NFIB: variants seen among roughly 807,000 people sequenced by gnomAD.
NFIB encodes nuclear factor 1 B-type.
Under a neutral mutation model 61.5 loss-of-function variants are expected in NFIB, and 11 were observed. The observed-to-expected ratio is 0.18, with a 90% CI of 0.11 to 0.30. The LOEUF (loss-of-function observed/expected upper bound fraction) is 0.30, where lower values mean the gene tolerates loss of function less well. Ranked by LOEUF, NFIB falls within the 10% of genes least tolerant of loss-of-function variation. NFIB has a pLI of 1.00. For missense variants in NFIB, 471 were observed against 608.9 expected, an observed-to-expected ratio of 0.77 and a Z score of 2.38; for synonymous variants, 260 against 216.5, an observed-to-expected ratio of 1.20 and a Z score of -1.76.
intron 10 of NFIB, 113 bp from the exon 11 acceptor site, chr9:14,088,439 C>A (rs1459213806): frequency 8.7e-7 from 1 of 1,153,960 alleles, no homozygotes; most frequent in East Asian, 3.1e-5. Flanking sequence ...TATTGCTATC[C>A]CTATTTTCAA....
chr9:14,427,937 G>GTTGTTTTTTTTTTTTTTTTT, the NFIB span, among the ~76,000 whole-genome samples: 1 of 43,384 alleles, frequency 2.3e-5, no homozygotes, highest in Non-Finnish European at 4.4e-5. Context: ...TAATTCAGTT[G>GTTGTTTTTTTTTTTTTTTTT]TTTTTTTTTT....
intron 2 of NFIB, among the ~76,000 whole-genome samples, chr9:14,263,469 G>C (rs935595129): frequency 4.6e-5 from 7 of 152,132 alleles, no homozygotes; most frequent in Non-Finnish European, 8.8e-5. Context: ...TGTGGAAAAA[G>C]ACTGTGTTCA....
intron 3 of NFIB, among the ~76,000 whole-genome samples, chr9:14,164,167 A>C (rs893393044): frequency 1.3e-5 from 2 of 152,108 alleles, no homozygotes; most frequent in African/African-American, 4.8e-5. Flanking sequence ...TAAAAAGACC[A>C]ACAAGACAGA....
chr9:14,290,468 A>G (rs551701854), intron 2 of NFIB, among the ~76,000 whole-genome samples: 1 of 152,120 alleles, frequency 6.6e-6, no homozygotes, highest in African/African-American at 2.4e-5. Flanking sequence ...TACCCTCACA[A>G]TTGCCAAATA....
chr9:14,216,894 T>A (rs1243295734), intron 2 of NFIB, among the ~76,000 whole-genome samples: 1 of 152,250 alleles, frequency 6.6e-6, no homozygotes, highest in Non-Finnish European at 1.5e-5. Context: ...CTGGCCAATG[T>A]TTAGCACATG....
chr9:14,306,022 C>T, intron 2 of NFIB: 1 of 1,093,774 alleles, frequency 9.1e-7, no homozygotes. Context: ...TTCTTACCTA[C>T]TTAAGGAAAA....
intron 2 of NFIB, among the ~76,000 whole-genome samples, chr9:14,219,405 GT>G (rs1772848769): frequency 7.0e-5 from 2 of 28,464 alleles, no homozygotes; most frequent in African/African-American, 1.7e-4. Context: ...AAAAAAAAAA[GT>G]CTAAGTTGAA....
intron 2 of NFIB, among the ~76,000 whole-genome samples, chr9:14,207,082 C>A (rs568171966): frequency 6.6e-6 from 1 of 152,246 alleles, no homozygotes; most frequent in East Asian, 1.9e-4. Context: ...ATACTGTTCT[C>A]AATATTACGG....
chr9:14,525,842 A>G, the NFIB span, among the ~76,000 whole-genome samples: 1 of 152,198 alleles, frequency 6.6e-6, no homozygotes, highest in Non-Finnish European at 1.5e-5. Context: ...TTCAAATAAC[A>G]CACCGTGTTA....
At chr9:14,447,990 G>A in the NFIB span, among the ~76,000 whole-genome samples, 2 of 152,142 alleles carry the variant, frequency 1.3e-5, no homozygotes, top group African/African-American at 4.8e-5. Flanking sequence ...TGATACTTTA[G>A]CCTATACTGA....
At chr9:14,297,337 CAGG>C (rs979152751) in intron 2 of NFIB, among the ~76,000 whole-genome samples, 7 of 152,156 alleles carry the variant, frequency 4.6e-5, no homozygotes, top group Admixed American at 1.3e-4. Flanking sequence ...CTAGTTTTTA[CAGG>C]AGAAGAGAGA....
At chr9:14,203,195 T>C (rs2131643533) in intron 2 of NFIB, among the ~76,000 whole-genome samples, 1 of 152,188 alleles carries the variant, frequency 6.6e-6, no homozygotes, top group South Asian at 2.1e-4. Flanking sequence ...ATTGTTTCAG[T>C]TAAGCCAGGC....
intron 3 of NFIB, among the ~76,000 whole-genome samples, chr9:14,168,564 C>T (rs547200986): frequency 2.3e-4 from 35 of 152,258 alleles, no homozygotes; most frequent in Middle Eastern, 6.8e-3. Flanking sequence ...GTCATGCTAA[C>T]GAGCTAGGCT....
At chr9:14,102,322 T>A in intron 10 of NFIB, 1 of 1,051,280 alleles carries the variant, frequency 9.5e-7, no homozygotes, top group Non-Finnish European at 1.4e-6. Flanking sequence ...AACAACTAAA[T>A]TTTTAACATA....
intron 2 of NFIB, among the ~76,000 whole-genome samples, chr9:14,266,408 T>C (rs924265159): frequency 1.3e-5 from 2 of 151,626 alleles, no homozygotes; most frequent in African/African-American, 4.9e-5. Flanking sequence ...CTGTGCAACA[T>C]AGTGAGACCC....
intron 3 of NFIB, 86 bp from the exon 4 acceptor site, chr9:14,155,979 G>A (rs921777759): frequency 5.0e-6 from 4 of 800,774 alleles, no homozygotes; most frequent in Non-Finnish European, 7.5e-6. Context: ...GTGTTTTAAA[G>A]CCAATGGTTT....
chr9:14,178,678 C>T lies in NFIB; in HGVS notation c.616+1049G>A, dbSNP rs1425039903. On this transcript the variant is annotated intron_variant, in intron 3 of 10. Transcript: ENST00000380953. ...AGTCTGTTTTGATTTTGCATTTTTACTTGTATATCTACTTGCTGTATCTTT... is the reference window on the plus strand; with the variant it reads ...AGTCTGTTTTGATTTTGCATTTTTATTTGTATATCTACTTGCTGTATCTTT... Among the ~76,000 whole-genome samples, 19 of 152,130 alleles carry T rather than the reference C, an allele frequency of 1.2e-4. No individual in the cohort carries two copies. The East Asian group carries it at 3.7e-3, about 29-fold the overall frequency.
the NFIB span, among the ~76,000 whole-genome samples, chr9:14,527,782 T>C: frequency 1.3e-5 from 2 of 152,210 alleles, no homozygotes; most frequent in South Asian, 4.1e-4. Context: ...TGGTATGGTA[T>C]CTATTAGTTT....
At chr9:14,181,465 TC>T (rs1390264786) in intron 2 of NFIB, among the ~76,000 whole-genome samples, 1 of 152,244 alleles carries the variant, frequency 6.6e-6, no homozygotes, top group Non-Finnish European at 1.5e-5. Context: ...TATTACTTTT[TC>T]TGAAATCAAG....
Sources: allele counts gnomAD v4.1 joint callset (sites outside exome capture counted in the v4.1 genomes callset), GRCh38; gene constraint gnomAD v4.1.1; transcripts MANE v1.5; gene names NCBI Gene and HGNC (gene_info 2026-07-23, HGNC 2026-07-21).